PCDH15: variants seen among roughly 807,000 people sequenced by gnomAD.
The protein encoded by PCDH15 is protocadherin related 15, also known as protocadherin-15.
A neutral mutation model predicts 178.5 loss-of-function variants in PCDH15; 129 were observed. The ratio of observed to expected loss-of-function variants is 0.72; its 90% CI spans 0.63 to 0.84. The LOEUF is 0.84. PCDH15 is among the 40% of genes least tolerant of loss of function. The probability of loss-of-function intolerance (pLI) is 0.00; values close to 1 mark genes in which losing one functional copy is unlikely to be tolerated. For missense variants in PCDH15, 2,230 were observed against 2,099.9 expected, an observed-to-expected ratio of 1.06 and a Z score of -1.21; for synonymous variants, 800 against 732.0, an observed-to-expected ratio of 1.09 and a Z score of -1.50.
chr10:53,827,324 T>TTAAA (rs2076745184), intron 32 of PCDH15, 69 bp downstream of exon 32: 2 of 1,512,112 alleles, frequency 1.3e-6, no homozygotes, highest in Non-Finnish European at 8.9e-7. Flanking sequence ...CAGATTGAAA[T>TTAAA]TAAATACTCA....
intron 1 of PCDH15, among the ~76,000 whole-genome samples, chr10:54,676,436 G>T (rs1436323685): frequency 6.6e-6 from 1 of 151,930 alleles, no homozygotes; most frequent in Non-Finnish European, 1.5e-5. Context: ...TCATTAAAAA[G>T]CAGTGAACAT....
chr10:54,993,659 T>A (rs1839566776), intron 2 of PCDH15, among the ~76,000 whole-genome samples: 1 of 152,122 alleles, frequency 6.6e-6, no homozygotes, highest in South Asian at 2.1e-4. Context: ...ACACATTTCA[T>A]GAGTTTTGCT....
chr10:53,815,974 A>G (rs912290051), intron 35 of PCDH15, among the ~76,000 whole-genome samples: 3 of 152,150 alleles, frequency 2.0e-5, no homozygotes, highest in African/African-American at 7.2e-5. Context: ...GCTTCATTCA[A>G]TGAATGGCCC....
At chr10:54,515,195 C>T (rs909164225) in intron 3 of PCDH15, among the ~76,000 whole-genome samples, 3 of 152,230 alleles carry the variant, frequency 2.0e-5, no homozygotes, top group Non-Finnish European at 2.9e-5. Flanking sequence ...ACTCAGGAAA[C>T]TCAAGGGGTC....
intron 15 of PCDH15, 45 bp downstream of exon 15, chr10:54,132,830 T>G: frequency 6.4e-7 from 1 of 1,562,908 alleles, no homozygotes; most frequent in Non-Finnish European, 8.6e-7. Flanking sequence ...GCTTGTCACT[T>G]TAGAATTTAT....
chr10:54,702,965 G>GAAAC (rs1041374867), intron 1 of PCDH15, among the ~76,000 whole-genome samples: 5 of 151,608 alleles, frequency 3.3e-5, no homozygotes, highest in African/African-American at 7.3e-5. Context: ...AAAATCCTCA[G>GAAAC]AAACAAACAA....
At chr10:54,959,305 T>C (rs1838581157) in intron 2 of PCDH15, among the ~76,000 whole-genome samples, 1 of 151,954 alleles carries the variant, frequency 6.6e-6, no homozygotes, top group African/African-American at 2.4e-5. Context: ...CCTGTATTAC[T>C]TTCCCAGCAA....
intron 2 of PCDH15, among the ~76,000 whole-genome samples, chr10:55,491,117 C>T (rs1349090752): frequency 6.6e-6 from 1 of 151,748 alleles, no homozygotes; most frequent in Admixed American, 6.6e-5. Context: ...TCACAATCTG[C>T]TTCCTTTATC....
chr10:54,893,129 G>A (rs1244185526), intron 3 of PCDH15, among the ~76,000 whole-genome samples: 1 of 151,936 alleles, frequency 6.6e-6, no homozygotes, highest in African/African-American at 2.4e-5. Context: ...AGCTTGAAAA[G>A]TTTCAGCTTA....
chr10:54,679,672 G>A (rs2094863776), intron 1 of PCDH15, among the ~76,000 whole-genome samples: 1 of 152,080 alleles, frequency 6.6e-6, no homozygotes, highest in African/African-American at 2.4e-5. Flanking sequence ...TAAGAGTCTG[G>A]AAATAGTTAT....
At chr10:55,198,549 C>T (rs868557589) in intron 1 of PCDH15, among the ~76,000 whole-genome samples, 6 of 152,142 alleles carry the variant, frequency 3.9e-5, no homozygotes, top group East Asian at 1.9e-4. Flanking sequence ...AGCAGTGGCG[C>T]GATAACAGCT....
At chr10:55,023,983 A>G (rs1345222160) in intron 2 of PCDH15, among the ~76,000 whole-genome samples, 2 of 149,080 alleles carry the variant, frequency 1.3e-5, no homozygotes, top group Non-Finnish European at 3.0e-5. Context: ...TATATATGAT[A>G]TATATCTGTC....
intron 2 of PCDH15, among the ~76,000 whole-genome samples, chr10:54,650,011 T>A (rs2094218646): frequency 6.6e-6 from 1 of 152,094 alleles, no homozygotes; most frequent in African/African-American, 2.4e-5. Context: ...CTGAGGAAAA[T>A]ATAAGTAACT....
chr10:54,263,462 G>T (rs2132333349), intron 8 of PCDH15, among the ~76,000 whole-genome samples: 1 of 152,306 alleles, frequency 6.6e-6, no homozygotes. Context: ...TGCACTGAAA[G>T]AAGTTGTTTC....
At chr10:54,490,442 T>G (rs541883204) in intron 3 of PCDH15, among the ~76,000 whole-genome samples, 1 of 151,984 alleles carries the variant, frequency 6.6e-6, no homozygotes, top group East Asian at 1.9e-4. Flanking sequence ...AGAGCAAGAC[T>G]ATGTCTCAAA....
chr10:54,195,626 T>C, intron 11 of PCDH15, 57 bp downstream of exon 11: 1 of 1,415,946 alleles, frequency 7.1e-7, no homozygotes, highest in East Asian at 2.3e-5. Flanking sequence ...ATATTTCCCA[T>C]TAATGGAAAT....
chr10:55,363,288 T>C lies in PCDH15; in HGVS notation c.-155-196637A>G, dbSNP rs576937971. Among the ~76,000 whole-genome samples, 18 of 152,338 alleles carry C rather than the reference T, an allele frequency of 1.2e-4. No homozygotes were observed. In the South Asian group the frequency reaches 2.5e-3, roughly 21 times the overall value. ...ATTTAATGGCATGAATAAATGTATA[T>C]TCAGTTAAACACAGTTTTACCAGTA... On this transcript the variant is annotated intron_variant, in intron 2 of 5. Transcript: ENST00000613346.
At chr10:54,786,599 C>A (rs1006007867) in intron 1 of PCDH15, among the ~76,000 whole-genome samples, 1 of 151,876 alleles carries the variant, frequency 6.6e-6, no homozygotes, top group Non-Finnish European at 1.5e-5. Context: ...CCATGCAGGT[C>A]AGTACTGTTG....
At chr10:54,184,832 T>C (rs545018292) in intron 12 of PCDH15, among the ~76,000 whole-genome samples, 1 of 152,124 alleles carries the variant, frequency 6.6e-6, no homozygotes, top group African/African-American at 2.4e-5. Context: ...AAATAATTCT[T>C]TATACCTCAA....
Sources: gnomAD v4.1 joint callset for allele counts (sites outside exome capture counted in the v4.1 genomes callset) on GRCh38, gnomAD v4.1.1 for gene constraint, MANE v1.5 for transcripts, NCBI Gene and HGNC (gene_info 2026-07-23, HGNC 2026-07-21) for gene names.